GRID2: variants seen among roughly 807,000 people sequenced by gnomAD.
GRID2 encodes glutamate ionotropic receptor delta type subunit 2.
In GRID2, 33 loss-of-function variants were observed where a neutral mutation model predicts 114.8. That is an observed-to-expected ratio of 0.29 (90% CI 0.22 to 0.38). GRID2 has a LOEUF of 0.38. Ranked by LOEUF, GRID2 falls within the 10% of genes least tolerant of loss-of-function variation. GRID2 has a pLI of 1.00. For missense variants in GRID2, 1,184 were observed against 1,257.7 expected (o/e 0.94, Z 0.89); for synonymous variants, 505 against 449.9 (o/e 1.12, Z -1.55).
At chr4:92,755,980 G>A (rs567460876) in intron 2 of GRID2, among the ~76,000 whole-genome samples, 9 of 152,164 alleles carry the variant, frequency 5.9e-5, no homozygotes, top group East Asian at 3.9e-4. Flanking sequence ...TCAAGTCCAC[G>A]CTTCTAGCTA....
chr4:92,674,028 T>C (rs1427978263), intron 2 of GRID2, among the ~76,000 whole-genome samples: 1 of 152,180 alleles, frequency 6.6e-6, no homozygotes, highest in Non-Finnish European at 1.5e-5. Flanking sequence ...TTTATTTTTC[T>C]TCTGTATATA....
intron 2 of GRID2, among the ~76,000 whole-genome samples, chr4:92,930,574 C>T (rs919788086): frequency 4.5e-4 from 63 of 140,680 alleles, no homozygotes; most frequent in African/African-American, 2.9e-4. Flanking sequence ...GTTACACTTT[C>T]GGCATTTTTT....
At chr4:93,172,540 C>G (rs1274302785) in intron 4 of GRID2, among the ~76,000 whole-genome samples, 1 of 151,364 alleles carries the variant, frequency 6.6e-6, no homozygotes, top group Non-Finnish European at 1.5e-5. Context: ...TGCAGTGAGC[C>G]GAGATCCAGC....
chr4:92,437,398 G>T (rs1256387177), intron 1 of GRID2, among the ~76,000 whole-genome samples: 1 of 152,060 alleles, frequency 6.6e-6, no homozygotes, highest in Non-Finnish European at 1.5e-5. Context: ...TCATGTCTTG[G>T]CCTCCCATGA....
At chr4:92,641,674 C>T (rs1227977460) in intron 2 of GRID2, among the ~76,000 whole-genome samples, 2 of 151,364 alleles carry the variant, frequency 1.3e-5, no homozygotes, top group South Asian at 2.1e-4. Context: ...TTTAAAAATG[C>T]CAACTTTTAT....
chr4:93,397,793 C>G (rs1309656605), intron 9 of GRID2, among the ~76,000 whole-genome samples: 4 of 151,892 alleles, frequency 2.6e-5, no homozygotes, highest in Admixed American at 2.6e-4. Flanking sequence ...CTCTCATATG[C>G]TTTAAAGCAT....
intron 1 of GRID2, among the ~76,000 whole-genome samples, chr4:93,790,494 G>A (rs917645598): frequency 6.6e-6 from 1 of 151,260 alleles, no homozygotes; most frequent in African/African-American, 2.4e-5. Context: ...AAGGGAAAAG[G>A]TATACCTAAT....
At chr4:92,924,379 C>T (rs1170133156) in intron 2 of GRID2, among the ~76,000 whole-genome samples, 2 of 151,444 alleles carry the variant, frequency 1.3e-5, no homozygotes, top group Non-Finnish European at 2.9e-5. Context: ...TGCACATGTA[C>T]CCTAAAACTT....
At chr4:92,682,159 T>A (rs1733681129) in intron 2 of GRID2, among the ~76,000 whole-genome samples, 1 of 152,048 alleles carries the variant, frequency 6.6e-6, no homozygotes, top group African/African-American at 2.4e-5. Context: ...TTTTAAGGGA[T>A]CATCACTTCA....
At chr4:93,228,094 A>C (rs559020863) in intron 7 of GRID2, among the ~76,000 whole-genome samples, 1 of 152,302 alleles carries the variant, frequency 6.6e-6, no homozygotes. Context: ...ATATTCAGGT[A>C]TTTATTATAA....
chr4:92,750,343 CT>C (rs1224690644), intron 2 of GRID2, among the ~76,000 whole-genome samples: 3 of 152,294 alleles, frequency 2.0e-5, no homozygotes, highest in Non-Finnish European at 4.4e-5. Flanking sequence ...GCTTTTTACC[CT>C]CTTTTGCCTC....
At chr4:93,373,239 A>G (rs767220902) in intron 8 of GRID2, among the ~76,000 whole-genome samples, 2 of 151,890 alleles carry the variant, frequency 1.3e-5, no homozygotes, top group Non-Finnish European at 2.9e-5. Context: ...CTGTTCCTCA[A>G]ACTAGAATTT....
At chr4:93,695,129 C>T (rs545370619) in intron 14 of GRID2, among the ~76,000 whole-genome samples, 3 of 150,456 alleles carry the variant, frequency 2.0e-5, no homozygotes, top group African/African-American at 7.3e-5. Flanking sequence ...CGAGATCGAG[C>T]CACTGCACTC....
At chr4:93,566,560 A>G (rs1023630703) in intron 13 of GRID2, among the ~76,000 whole-genome samples, 1 of 152,126 alleles carries the variant, frequency 6.6e-6, no homozygotes, top group African/African-American at 2.4e-5. Context: ...GCTTGAGGCC[A>G]GGAGTTTGAG....
chr4:92,930,225 A>G (rs890333543), intron 2 of GRID2, among the ~76,000 whole-genome samples: 8 of 151,332 alleles, frequency 5.3e-5, no homozygotes, highest in African/African-American at 1.9e-4. Flanking sequence ...ATGTTTCATC[A>G]TATTATGCTT....
At chr4:92,435,515 T>C (rs1348528970) in intron 1 of GRID2, among the ~76,000 whole-genome samples, 2 of 152,150 alleles carry the variant, frequency 1.3e-5, no homozygotes, top group East Asian at 3.9e-4. Context: ...CTTGAGTCTG[T>C]CTGGAATGAG....
At chr4:92,463,892 C>T (rs538386521) in intron 1 of GRID2, among the ~76,000 whole-genome samples, 1 of 152,038 alleles carries the variant, frequency 6.6e-6, no homozygotes, top group South Asian at 2.1e-4. Context: ...TCTTGAGAAT[C>T]TTATCTTCCC....
intron 2 of GRID2, among the ~76,000 whole-genome samples, chr4:92,789,906 A>G (rs1208132108): frequency 6.6e-6 from 1 of 151,832 alleles, no homozygotes; most frequent in Non-Finnish European, 1.5e-5. Flanking sequence ...TTGTTCAAAG[A>G]TATGTGTTTC....
chr4:92,617,964 T>C (rs1730083140), intron 2 of GRID2, among the ~76,000 whole-genome samples: 1 of 151,682 alleles, frequency 6.6e-6, no homozygotes, highest in Non-Finnish European at 1.5e-5. Context: ...ATTCTATAGG[T>C]TGTCTTTTTA....
Sources: gnomAD v4.1 joint callset for allele counts (sites outside exome capture counted in the v4.1 genomes callset) on GRCh38, gnomAD v4.1.1 for gene constraint, MANE v1.5 for transcripts, NCBI Gene and HGNC (gene_info 2026-07-23, HGNC 2026-07-21) for gene names.